Variants in RFX7 observed in about 807,000 individuals in gnomAD.
The protein encoded by RFX7 is DNA-binding protein RFX7.
A neutral mutation model predicts 111.8 loss-of-function variants in RFX7; 26 were observed. The ratio of observed to expected loss-of-function variants is 0.23; its 90% CI spans 0.17 to 0.32. The LOEUF (loss-of-function observed/expected upper bound fraction) is 0.32. RFX7 is among the 10% of genes least tolerant of loss of function. The probability of loss-of-function intolerance (pLI) is 1.00; values close to 1 mark genes in which losing one functional copy is unlikely to be tolerated. For missense variants in RFX7, 1,573 were observed against 1,772.9 expected (o/e 0.89, Z 2.02); for synonymous variants, 624 against 624.4 (o/e 1.00, Z 0.01).
chr15:56,097,117 A>C (rs1395962812), intron 9 of RFX7, among the ~76,000 whole-genome samples: 5 of 152,170 alleles, frequency 3.3e-5, no homozygotes, highest in Non-Finnish European at 7.4e-5. Context: ...TGCGGTTACC[A>C]TGTATTTCAT....
chr15:56,181,376 G>A (rs1162189985), intron 2 of RFX7, among the ~76,000 whole-genome samples: 1 of 152,108 alleles, frequency 6.6e-6, no homozygotes, highest in Non-Finnish European at 1.5e-5. Flanking sequence ...CCAGTCACTC[G>A]CTATAGCTCT....
intron 5 of RFX7, among the ~76,000 whole-genome samples, chr15:56,112,648 G>A (rs937343932): frequency 6.6e-6 from 1 of 152,218 alleles, no homozygotes; most frequent in Admixed American, 6.5e-5. Context: ...AGCTAAAACT[G>A]ACAACTGGGA....
At chr15:56,184,895 C>T (rs191547055) in intron 2 of RFX7, among the ~76,000 whole-genome samples, 13 of 152,278 alleles carry the variant, frequency 8.5e-5, no homozygotes, top group South Asian at 6.2e-4. Flanking sequence ...ATATTCCCAA[C>T]GCAAGGAACA....
intron 2 of RFX7, among the ~76,000 whole-genome samples, chr15:56,237,983 T>C (rs2043644012): frequency 6.6e-6 from 1 of 152,162 alleles, no homozygotes. Context: ...CAAAAATACA[T>C]GGAAGCCAGC....
chr15:56,185,666 C>T (rs1383385781), intron 2 of RFX7, among the ~76,000 whole-genome samples: 3 of 152,136 alleles, frequency 2.0e-5, no homozygotes, highest in African/African-American at 7.2e-5. Flanking sequence ...CTCAGTAATG[C>T]CATTTTGTCT....
At chr15:56,184,527 T>C (rs142441871) in intron 2 of RFX7, among the ~76,000 whole-genome samples, 220 of 152,290 alleles carry the variant, frequency 1.4e-3, no homozygotes, top group African/African-American at 5.1e-3. Flanking sequence ...CATTAAAGAA[T>C]TTACTTCTAA....
At chr15:56,172,190 T>A (rs2042852848) in intron 3 of RFX7, among the ~76,000 whole-genome samples, 1 of 152,180 alleles carries the variant, frequency 6.6e-6, no homozygotes, top group African/African-American at 2.4e-5. Context: ...GGTCATGGTA[T>A]CCTTTATAAA....
chr15:56,110,294 A>G (rs1595931864), intron 5 of RFX7, among the ~76,000 whole-genome samples: 2 of 64,150 alleles, frequency 3.1e-5, no homozygotes, highest in South Asian at 7.1e-4. Flanking sequence ...CCGCCTGGCC[A>G]GCCGCCCCGT....
chr15:56,214,577 C>T lies in RFX7; in HGVS notation c.161+28548G>A, dbSNP rs181730510. Among the ~76,000 whole-genome samples the T allele has an allele frequency of 3.7e-3, 564 of 151,940 alleles. 3 individuals carry two copies. The highest frequency in any genetic ancestry group is 4.8e-3 in the Non-Finnish European group (328 of 67,918). ...AAAAATACGAAAAATTAGCCAGGCG[C>T]GGTGGCGGGCGCCTGTAGTCCCAGC... On this transcript the variant is annotated intron_variant, in intron 2 of 9. Coordinates refer to ENST00000559447, the MANE Select transcript of RFX7 (RefSeq NM_022841.7).
chr15:56,209,548 T>C (rs765084997), intron 2 of RFX7, among the ~76,000 whole-genome samples: 2 of 152,134 alleles, frequency 1.3e-5, no homozygotes, highest in African/African-American at 4.8e-5. Context: ...TTATTTTTAA[T>C]TGATCCAACA....
At chr15:56,139,111 G>A (rs536215365) in intron 5 of RFX7, among the ~76,000 whole-genome samples, 19 of 151,900 alleles carry the variant, frequency 1.3e-4, no homozygotes, top group Admixed American at 4.6e-4. Context: ...TGCTCTTCTC[G>A]AGGAGTATCT....
chr15:56,225,252 ACATGTAACCT>A (rs1233174485), intron 2 of RFX7, among the ~76,000 whole-genome samples: 11 of 152,288 alleles, frequency 7.2e-5, no homozygotes, highest in African/African-American at 2.6e-4. Context: ...AAAGATTAAC[ACATGTAACCT>A]CAGCTATATA....
intron 2 of RFX7, among the ~76,000 whole-genome samples, chr15:56,190,804 T>C (rs770301447): frequency 5.3e-5 from 8 of 151,774 alleles, no homozygotes; most frequent in Admixed American, 1.3e-4. Flanking sequence ...CTCTCTAATA[T>C]GAAAGACAGG....
chr15:56,209,763 T>C (rs2043291634), intron 2 of RFX7, among the ~76,000 whole-genome samples: 1 of 152,032 alleles, frequency 6.6e-6, no homozygotes, highest in Admixed American at 6.6e-5. Context: ...CCTGGATTAG[T>C]TGTAAATGTA....
chr15:56,211,229 T>C (rs754674140), intron 2 of RFX7, among the ~76,000 whole-genome samples: 19 of 152,062 alleles, frequency 1.2e-4, no homozygotes, highest in Non-Finnish European at 5.9e-5. Context: ...TCCTCTACAG[T>C]CCTTTTCAGA....
At chr15:56,184,080 T>C (rs1221304977) in intron 2 of RFX7, among the ~76,000 whole-genome samples, 2 of 151,734 alleles carry the variant, frequency 1.3e-5, no homozygotes, top group Non-Finnish European at 2.9e-5. Context: ...GAATGCAGTA[T>C]GCCATCGCGG....
intron 4 of RFX7, among the ~76,000 whole-genome samples, chr15:56,143,732 G>T (rs2042432633): frequency 6.6e-6 from 1 of 151,690 alleles, no homozygotes; most frequent in African/African-American, 2.4e-5. Flanking sequence ...TGGTCTGAGG[G>T]AAAAAAAGAT....
At chr15:56,157,786 G>T (rs1452234996) in intron 3 of RFX7, among the ~76,000 whole-genome samples, 1 of 152,116 alleles carries the variant, frequency 6.6e-6, no homozygotes, top group Non-Finnish European at 1.5e-5. Flanking sequence ...CACCATGTTG[G>T]TCGGGCTGGT....
At chr15:56,165,675 G>A (rs1212647890) in intron 3 of RFX7, among the ~76,000 whole-genome samples, 2 of 152,154 alleles carry the variant, frequency 1.3e-5, no homozygotes, top group Non-Finnish European at 2.9e-5. Context: ...AGCATGGCCT[G>A]TAAAGCAGAT....
Sources: gnomAD v4.1 joint callset for allele counts (sites outside exome capture counted in the v4.1 genomes callset) on GRCh38, gnomAD v4.1.1 for gene constraint, MANE v1.5 for transcripts, NCBI Gene and HGNC (gene_info 2026-07-23, HGNC 2026-07-21) for gene names.